The following ZBTB7C variants were observed in gnomAD, a reference collection of about 807,000 sequenced individuals.
ZBTB7C encodes the protein zinc finger and BTB domain-containing protein 7C.
A neutral mutation model predicts 25.7 loss-of-function variants in ZBTB7C; 8 were observed. That is an observed-to-expected ratio of 0.31 (90% confidence interval 0.18 to 0.56). The LOEUF is 0.56. ZBTB7C is among the 20% of genes least tolerant of loss of function. The probability of loss-of-function intolerance (pLI) is 0.91; values close to 1 mark genes in which losing one functional copy is unlikely to be tolerated. For synonymous variants in ZBTB7C, 394 were observed against 369.0 expected (o/e 1.07, Z -0.78); for missense variants, 824 against 855.2 (o/e 0.96, Z 0.46).
chr18:48,128,960 C>G (rs2039897043), intron 3 of ZBTB7C, among the ~76,000 whole-genome samples: 1 of 152,030 alleles, frequency 6.6e-6, no homozygotes, highest in South Asian at 2.1e-4. Context: ...GTGTCTCTTC[C>G]ACACCTTAAT....
chr18:48,338,638 C>T (rs1365454085), intron 1 of ZBTB7C, among the ~76,000 whole-genome samples: 1 of 152,138 alleles, frequency 6.6e-6, no homozygotes, highest in African/African-American at 2.4e-5. Flanking sequence ...CACACACGCC[C>T]TTCATTCCTT....
intron 3 of ZBTB7C, among the ~76,000 whole-genome samples, chr18:48,160,387 A>G (rs936433384): frequency 6.6e-6 from 1 of 152,206 alleles, no homozygotes; most frequent in African/African-American, 2.4e-5. Context: ...CTAAAATTAA[A>G]GCACAGTATA....
chr18:48,070,290 A>AG (rs2037495155), intron 3 of ZBTB7C, among the ~76,000 whole-genome samples: 1 of 152,188 alleles, frequency 6.6e-6, no homozygotes, highest in South Asian at 2.1e-4. Context: ...GGCATCCTGG[A>AG]GGGGGACTAC....
chr18:48,260,180 T>C (rs535466517), intron 2 of ZBTB7C, among the ~76,000 whole-genome samples: 6 of 152,368 alleles, frequency 3.9e-5, no homozygotes, highest in African/African-American at 1.4e-4. Flanking sequence ...GAACTACTGA[T>C]ACATGCAACA....
chr18:48,289,981 C>T (rs1251108826), intron 2 of ZBTB7C, among the ~76,000 whole-genome samples: 2 of 152,156 alleles, frequency 1.3e-5, no homozygotes, highest in Non-Finnish European at 2.9e-5. Context: ...TGGATAGGTG[C>T]TTTAAGTGCT....
chr18:48,063,897 TA>T (rs1198364458), intron 3 of ZBTB7C, among the ~76,000 whole-genome samples: 2 of 151,560 alleles, frequency 1.3e-5, no homozygotes, highest in Non-Finnish European at 2.9e-5. Flanking sequence ...TTTATAATTA[TA>T]TATAATTTAT....
intron 2 of ZBTB7C, among the ~76,000 whole-genome samples, chr18:48,255,012 T>A (rs933539986): frequency 2.0e-5 from 3 of 152,196 alleles, no homozygotes; most frequent in Admixed American, 2.0e-4. Context: ...GACTACACAT[T>A]AATCTAGTCC....
chr18:48,030,047 T>G, intron 4 of ZBTB7C, 136 bp from the exon 5 acceptor site: 1 of 1,137,082 alleles, frequency 8.8e-7, no homozygotes, highest in East Asian at 2.6e-5. Flanking sequence ...GGTCTCATGC[T>G]AGATCTACCC....
intron 1 of ZBTB7C, among the ~76,000 whole-genome samples, chr18:48,408,809 C>T (rs931314151): frequency 6.6e-6 from 1 of 151,582 alleles, no homozygotes; most frequent in East Asian, 2.0e-4. Context: ...GCCGCACGCG[C>T]CCGCAGAAGT....
At chr18:48,133,282 G>A (rs1161675207) in intron 3 of ZBTB7C, among the ~76,000 whole-genome samples, 2 of 152,224 alleles carry the variant, frequency 1.3e-5, no homozygotes, top group African/African-American at 2.4e-5. Flanking sequence ...GGATGAAGTG[G>A]AAGGAGGCCC....
chr18:48,356,158 T>C (rs9945706), intron 1 of ZBTB7C, among the ~76,000 whole-genome samples: 84,688 of 151,918 alleles, frequency 0.56, 23,975 homozygotes, highest in East Asian at 0.76. Flanking sequence ...TCTGGGTTTA[T>C]TCAACAGGGT....
chr18:48,249,005 T>C (rs1423363657), intron 2 of ZBTB7C, among the ~76,000 whole-genome samples: 1 of 152,058 alleles, frequency 6.6e-6, no homozygotes, highest in African/African-American at 2.4e-5. Context: ...TTATATACAA[T>C]ATAAACAAAT....
At chr18:48,170,223 C>G (rs2041422703) in intron 3 of ZBTB7C, among the ~76,000 whole-genome samples, 1 of 152,254 alleles carries the variant, frequency 6.6e-6, no homozygotes, top group South Asian at 2.1e-4. Context: ...AGCATTCTTA[C>G]TGTGCTGAAT....
chr18:48,310,422 T>C (rs1227486990), intron 2 of ZBTB7C, among the ~76,000 whole-genome samples: 2 of 133,956 alleles, frequency 1.5e-5, no homozygotes, highest in African/African-American at 2.8e-5. Context: ...AAGTAGTGGA[T>C]TCAGGTTTAA....
chr18:48,080,707 T>C (rs1260396647), intron 3 of ZBTB7C, among the ~76,000 whole-genome samples: 1 of 152,206 alleles, frequency 6.6e-6, no homozygotes, highest in East Asian at 1.9e-4. Context: ...CACCAGCCAC[T>C]GTGAGCTTGG....
At chr18:48,129,117 G>C (rs1401991412) in intron 3 of ZBTB7C, among the ~76,000 whole-genome samples, 2 of 152,120 alleles carry the variant, frequency 1.3e-5, no homozygotes, top group Non-Finnish European at 2.9e-5. Flanking sequence ...GTCTCAGCGG[G>C]TGGGGAGAGG....
At chr18:48,207,010 C>T (rs1241308885) in intron 2 of ZBTB7C, among the ~76,000 whole-genome samples, 1 of 152,150 alleles carries the variant, frequency 6.6e-6, no homozygotes, top group Non-Finnish European at 1.5e-5. Context: ...AAAAAATAGA[C>T]TTACCAATTA....
chr18:48,137,725 CT>C (rs2040219078), intron 3 of ZBTB7C, among the ~76,000 whole-genome samples: 1 of 152,252 alleles, frequency 6.6e-6, no homozygotes, highest in Admixed American at 6.5e-5. Flanking sequence ...ATCATGAGAC[CT>C]TGTGGGTGGG....
intron 2 of ZBTB7C, among the ~76,000 whole-genome samples, chr18:48,228,259 G>A (rs753649032): frequency 7.9e-5 from 12 of 152,108 alleles, no homozygotes; most frequent in South Asian, 2.1e-4. Context: ...TCACCTGTGC[G>A]GGCCTCAGTT....
Sources: allele counts gnomAD v4.1 joint callset (sites outside exome capture counted in the v4.1 genomes callset), GRCh38; gene constraint gnomAD v4.1.1; transcripts MANE v1.5; gene names NCBI Gene and HGNC (gene_info 2026-07-23, HGNC 2026-07-21).